The following KAZN variants were observed in gnomAD, a reference collection of about 807,000 sequenced individuals.
KAZN encodes the protein kazrin, periplakin interacting protein.
In KAZN, 40 loss-of-function variants were observed where a neutral mutation model predicts 87.4. The observed-to-expected ratio is 0.46, with a 90% CI of 0.36 to 0.60. KAZN has a LOEUF of 0.60. KAZN is among the 20% of genes least tolerant of loss of function. KAZN has a pLI of 0.00. For synonymous variants in KAZN, 466 were observed against 458.3 expected (o/e 1.02, Z -0.22); for missense variants, 898 against 1,073.9 (o/e 0.84, Z 2.29).
intron 2 of KAZN, among the ~76,000 whole-genome samples, chr1:14,200,326 A>T (rs1253793097): frequency 6.6e-6 from 1 of 152,202 alleles, no homozygotes; most frequent in Non-Finnish European, 1.5e-5. Flanking sequence ...TATTAACAGA[A>T]GTGATCTCTG....
intron 2 of KAZN, among the ~76,000 whole-genome samples, chr1:14,387,878 C>G (rs1196804462): frequency 1.3e-5 from 2 of 152,216 alleles, no homozygotes; most frequent in East Asian, 3.8e-4. Flanking sequence ...TTTACCTAAG[C>G]AAGCCTGGGC....
intron 2 of KAZN, among the ~76,000 whole-genome samples, chr1:14,252,891 C>A (rs1032280637): frequency 1.3e-5 from 2 of 152,064 alleles, no homozygotes; most frequent in African/African-American, 4.8e-5. Context: ...TTCCACTGTG[C>A]GGTTCCATCA....
At chr1:14,896,619 G>C (rs1479028307) in intron 1 of KAZN, among the ~76,000 whole-genome samples, 1 of 152,204 alleles carries the variant, frequency 6.6e-6, no homozygotes, top group Non-Finnish European at 1.5e-5. Flanking sequence ...GGCTGCGGCT[G>C]TATCAGGCAA....
At chr1:14,917,883 T>C (rs1657989324) in intron 1 of KAZN, among the ~76,000 whole-genome samples, 1 of 152,062 alleles carries the variant, frequency 6.6e-6, no homozygotes, top group Non-Finnish European at 1.5e-5. Context: ...TCTTTCTTTC[T>C]TTCTTTCTTT....
At position 14,576,291 on chromosome 1, in the gene KAZN, A is replaced by AGGAT. The variant is rs71587761; in HGVS notation, c.250-22652_250-22649dup. ...ACACTCAGTAAACTAGAAGGATGGA[A>AGGAT]GGATGGATGGATGGATGGATGGATG... On this transcript the variant is annotated intron_variant, in intron 2 of 16. Coordinates refer to the KAZN transcript ENST00000636203. Among the ~76,000 whole-genome samples the AGGAT allele has an allele frequency of 9.5e-3, 1,186 of 125,446 alleles. 5 individuals are homozygous for AGGAT. Among genetic ancestry groups the AGGAT allele is most frequent in the Non-Finnish European group, 0.012 (641 of 52,856 alleles). The allele number at this position is 125,446 out of a possible 152,430, so 82.3% of individuals were successfully genotyped here. A position where few individuals can be genotyped will look rare whatever the true frequency, so the allele number is the denominator to read the frequency against.
chr1:15,043,928 C>T (rs901379251), intron 3 of KAZN, 61 bp from the exon 4 acceptor site: 4 of 1,508,416 alleles, frequency 2.7e-6, no homozygotes, highest in African/African-American at 2.8e-5. Flanking sequence ...TCTAGGCATC[C>T]CTGGGCCAGG....
At position 13,992,831 on chromosome 1, in the gene KAZN, T is replaced by G. The variant is rs575191761; in HGVS notation, c.91+99075T>G. Among the ~76,000 whole-genome samples, 153 of 152,272 alleles carry G rather than the reference T, an allele frequency of 1.0e-3. 1 individual carries two copies. The highest frequency in any genetic ancestry group is 3.6e-3 in the African/African-American group (149 of 41,540). ...AAACCAGCTCATCTCCCCTGTGCTTTTTTATAAGTTCAGAATTGGCCAAAT... is the reference window on the plus strand; with the variant it reads ...AAACCAGCTCATCTCCCCTGTGCTTGTTTATAAGTTCAGAATTGGCCAAAT... On this transcript the variant is annotated intron_variant, in intron 1 of 16. Transcript: ENST00000636203.
intron 2 of KAZN, among the ~76,000 whole-genome samples, chr1:14,552,405 C>T (rs903668990): frequency 2.6e-4 from 39 of 152,314 alleles, no homozygotes; most frequent in African/African-American, 9.1e-4. Flanking sequence ...AGGCCCAGAT[C>T]CCCACCCTCC....
At chr1:14,342,151 A>G (rs1291589427) in intron 2 of KAZN, among the ~76,000 whole-genome samples, 2 of 152,202 alleles carry the variant, frequency 1.3e-5, no homozygotes, top group Non-Finnish European at 2.9e-5. Flanking sequence ...GTCCCTGCAA[A>G]GGACATAATC....
chr1:14,211,919 C>A (rs1390547499), intron 2 of KAZN, among the ~76,000 whole-genome samples: 1 of 151,948 alleles, frequency 6.6e-6, no homozygotes, highest in Non-Finnish European at 1.5e-5. Context: ...GCCCCTTCAC[C>A]CCGTTAATTT....
intron 1 of KAZN, among the ~76,000 whole-genome samples, chr1:13,898,182 A>G (rs1431721778): frequency 1.3e-5 from 2 of 152,116 alleles, no homozygotes; most frequent in African/African-American, 4.8e-5. Context: ...GGCAGTACAG[A>G]CTCGAGCTGG....
At chr1:14,852,363 T>G (rs1649553715) in intron 1 of KAZN, among the ~76,000 whole-genome samples, 1 of 152,224 alleles carries the variant, frequency 6.6e-6, no homozygotes, top group Non-Finnish European at 1.5e-5. Flanking sequence ...TGATCTTGAA[T>G]GGGGAGTCCA....
At chr1:14,968,377 G>C (rs953753803) in intron 2 of KAZN, among the ~76,000 whole-genome samples, 1 of 152,146 alleles carries the variant, frequency 6.6e-6, no homozygotes, top group East Asian at 1.9e-4. Flanking sequence ...AACTTCGCTC[G>C]CTCGCCCCTC....
chr1:14,510,372 C>T (rs1670839684), intron 2 of KAZN, among the ~76,000 whole-genome samples: 1 of 87,314 alleles, frequency 1.1e-5, no homozygotes, highest in Non-Finnish European at 2.6e-5. Flanking sequence ...GAGCAAAACT[C>T]CATCTCAAAA....
chr1:14,282,589 C>G (rs893894836), intron 2 of KAZN, among the ~76,000 whole-genome samples: 2 of 152,266 alleles, frequency 1.3e-5, no homozygotes, highest in Admixed American at 1.3e-4. Flanking sequence ...ACAAAGAAGC[C>G]CTGGGGCTGT....
In KAZN at chr1:14,769,001, A is replaced by G. The variant is rs1644954571; in HGVS notation, c.226+169778A>G. ...TACCTCTTCCCTAGAGCATTGCAGA[A>G]TTCTTCACAGCTAGTTGACTTTCCG... is the stretch of plus-strand genomic sequence containing the variant. On this transcript the variant is annotated intron_variant, in intron 1 of 14. Transcript: ENST00000376030. This position sits in a 1 kb window ranked among gnomAD's most constrained non-coding sequence, Gnocchi z 4.1. 6.6e-6 allele frequency among the ~76,000 whole-genome samples: 1 copy of G among 152,254 alleles called. No individual in the cohort carries two copies. The highest frequency in any genetic ancestry group is 1.5e-5 in the Non-Finnish European group (1 of 68,046).
chr1:14,492,913 A>G (rs1669752328), intron 2 of KAZN, among the ~76,000 whole-genome samples: 1 of 151,238 alleles, frequency 6.6e-6, no homozygotes, highest in Admixed American at 6.6e-5. Context: ...ATCCCCCACC[A>G]CTTGCTCGCT....
At position 13,927,466 on chromosome 1, in the gene KAZN, T is replaced by G. The variant is rs141865606; in HGVS notation, c.91+33710T>G. Among the ~76,000 whole-genome samples the G allele has an allele frequency of 3.3e-5, 5 of 152,290 alleles. No homozygotes were observed. The East Asian group carries it at 9.6e-4, about 29-fold the overall frequency. ...TCACATCAGAAGACAAGGTTAGGAATAGCTGGGCAAAGAACCATCAGAGGT... is the reference window on the plus strand; with the variant it reads ...TCACATCAGAAGACAAGGTTAGGAAGAGCTGGGCAAAGAACCATCAGAGGT... On this transcript the variant is annotated intron_variant, in intron 1 of 16. Coordinates refer to the KAZN transcript ENST00000636203.
At chr1:14,291,735 T>C (rs1042658145) in intron 2 of KAZN, among the ~76,000 whole-genome samples, 1 of 152,196 alleles carries the variant, frequency 6.6e-6, no homozygotes, top group African/African-American at 2.4e-5. Context: ...GGTACCTCAG[T>C]TGGAAATGCA....
Sources: gnomAD v4.1 joint callset for allele counts (sites outside exome capture counted in the v4.1 genomes callset) on GRCh38, gnomAD v4.1.1 for gene constraint, Gnocchi (gnomAD v3.1) non-coding constraint, MANE v1.5 for transcripts, NCBI Gene and HGNC (gene_info 2026-07-23, HGNC 2026-07-21) for gene names.